The following ANKRD30BL variants were observed in gnomAD, a reference collection of about 807,000 sequenced individuals.
ANKRD30BL encodes putative ankyrin repeat domain-containing protein 30B-like.
In ANKRD30BL, 20 loss-of-function variants were observed where a neutral mutation model predicts 18.4. That is an observed-to-expected ratio of 1.09 (90% CI 0.77 to 1.58). The LOEUF (loss-of-function observed/expected upper bound fraction) is 1.58. Among genes scored for constraint, ANKRD30BL ranks in the 40% most tolerant of loss-of-function variants. ANKRD30BL has a pLI of 0.00. For missense variants in ANKRD30BL, 224 were observed against 268.6 expected (o/e 0.83, Z 1.16); for synonymous variants, 72 against 100.9 (o/e 0.71, Z 1.72).
intron 5 of ANKRD30BL, among the ~76,000 whole-genome samples, chr2:132,150,096 A>T (rs1026543479): frequency 1.4e-4 from 22 of 152,090 alleles, no homozygotes; most frequent in African/African-American, 5.1e-4. Flanking sequence ...CCTAACTCTC[A>T]TGTTGCTCAA....
chr2:132,253,300 A>T (rs1323052884), intron 1 of ANKRD30BL: 1 of 152,996 alleles, frequency 6.5e-6, no homozygotes, highest in Non-Finnish European at 1.5e-5. Context: ...TCCACCACTA[A>T]AAGTCATACA....
chr2:132,249,809 G>C (rs147611766), intron 1 of ANKRD30BL, among the ~76,000 whole-genome samples: 60 of 152,140 alleles, frequency 3.9e-4, no homozygotes, highest in Middle Eastern at 3.4e-3. Flanking sequence ...GTTTTTATGT[G>C]ATGATATTTC....
chr2:132,221,928 C>T (rs1383303537), intron 1 of ANKRD30BL, among the ~76,000 whole-genome samples: 3 of 131,242 alleles, frequency 2.3e-5, no homozygotes, highest in East Asian at 2.3e-4. Context: ...GGGGGATCAG[C>T]CCCCCGCCTG....
intron 1 of ANKRD30BL, among the ~76,000 whole-genome samples, chr2:132,226,222 G>T (rs149757021): frequency 6.8e-6 from 1 of 146,612 alleles, no homozygotes; most frequent in African/African-American, 2.6e-5. Context: ...GAAACTTCTT[G>T]GTGATGTGTG....
chr2:132,203,252 G>C (rs1002712900), intron 1 of ANKRD30BL, among the ~76,000 whole-genome samples: 2 of 152,208 alleles, frequency 1.3e-5, no homozygotes, highest in African/African-American at 4.8e-5. Flanking sequence ...CAGAAAATTG[G>C]TTCTAACTTT....
intron 1 of ANKRD30BL, among the ~76,000 whole-genome samples, chr2:132,196,798 C>G (rs1384766568): frequency 6.7e-6 from 1 of 149,766 alleles, no homozygotes; most frequent in East Asian, 2.0e-4. Context: ...CAGAGCAAGA[C>G]TCCATCTCAA....
chr2:132,246,752 A>T (rs148745145), intron 1 of ANKRD30BL, among the ~76,000 whole-genome samples: 1 of 151,918 alleles, frequency 6.6e-6, no homozygotes, highest in African/African-American at 2.4e-5. Context: ...CCTTTTGTGG[A>T]ATCTGTAATT....
At chr2:132,199,875 G>A (rs1325114799) in intron 1 of ANKRD30BL, among the ~76,000 whole-genome samples, 1 of 152,024 alleles carries the variant, frequency 6.6e-6, no homozygotes, top group Admixed American at 6.6e-5. Flanking sequence ...AGAATTTTAG[G>A]CCAATATCCT....
At chr2:132,245,163 A>C (rs77581439) in intron 1 of ANKRD30BL, among the ~76,000 whole-genome samples, 65 of 478 alleles carry the variant, frequency 0.14, no homozygotes, top group Middle Eastern at 0.5. Context: ...TTTCAACTCA[A>C]AGAGTTGAAT....
intron 1 of ANKRD30BL, among the ~76,000 whole-genome samples, chr2:132,233,672 C>G (rs1680079779): frequency 6.7e-6 from 1 of 149,720 alleles, no homozygotes; most frequent in Non-Finnish European, 1.5e-5. Context: ...ACAGGAGCAC[C>G]CAGATTCATA....
chr2:132,234,445 C>A (rs1467752136), intron 1 of ANKRD30BL, among the ~76,000 whole-genome samples: 1 of 151,480 alleles, frequency 6.6e-6, no homozygotes, highest in Non-Finnish European at 1.5e-5. Flanking sequence ...GCTAGCAAGA[C>A]TAATAAAGAA....
chr2:132,204,953 A>C (rs1226270515), intron 1 of ANKRD30BL, among the ~76,000 whole-genome samples: 2 of 152,240 alleles, frequency 1.3e-5, no homozygotes, highest in African/African-American at 4.8e-5. Context: ...AAATAAAGAA[A>C]ATCAAACATC....
intron 1 of ANKRD30BL, among the ~76,000 whole-genome samples, chr2:132,231,249 T>C (rs1680001871): frequency 1.3e-5 from 2 of 152,276 alleles, no homozygotes; most frequent in South Asian, 4.1e-4. Context: ...AGAGCAGTTT[T>C]GAACCTGTCT....
chr2:132,162,884 C>T (rs1432944453), upstream of ANKRD30BL, among the ~76,000 whole-genome samples: 2 of 152,230 alleles, frequency 1.3e-5, no homozygotes, highest in East Asian at 3.9e-4. Flanking sequence ...GGTTGCTTGG[C>T]CGTATTTGCC....
In ANKRD30BL at chr2:132,210,349, A is replaced by G. The variant is rs879047093; in HGVS notation, n.441+47180T>C. ...GGATATTTGGAGCGCTTTGCGGCCA[A>G]TGGTGGTAAAAGGAAACATCTTCAC... On this transcript the variant is annotated intron_variant and non_coding_transcript_variant, in intron 1 of 4. Transcript: ENST00000470729. Among the ~76,000 whole-genome samples the G allele has an allele frequency of 7.9e-5, 12 of 151,902 alleles. 1 individual carries two copies. Among genetic ancestry groups the G allele is most frequent in the African/African-American group, 2.9e-4 (12 of 41,528 alleles).
chr2:132,243,586 C>G (rs906110168), intron 1 of ANKRD30BL, among the ~76,000 whole-genome samples: 1 of 151,618 alleles, frequency 6.6e-6, no homozygotes, highest in African/African-American at 2.4e-5. Flanking sequence ...TAGACAGAAG[C>G]ATTCTCAGAA....
intron 1 of ANKRD30BL, among the ~76,000 whole-genome samples, chr2:132,219,467 G>A (rs1008734066): frequency 1.2e-4 from 18 of 151,386 alleles, no homozygotes; most frequent in African/African-American, 2.7e-4. Context: ...TAAGCCCTAC[G>A]GTGGAAAAGG....
At chr2:132,192,965 A>T (rs1678890953) in intron 1 of ANKRD30BL, among the ~76,000 whole-genome samples, 1 of 152,240 alleles carries the variant, frequency 6.6e-6, no homozygotes, top group Non-Finnish European at 1.5e-5. Flanking sequence ...AGAGGCTTAG[A>T]TAGAAAAGAA....
chr2:132,219,064 AG>A (rs1679593801), intron 1 of ANKRD30BL, among the ~76,000 whole-genome samples: 1 of 151,790 alleles, frequency 6.6e-6, no homozygotes, highest in South Asian at 2.1e-4. Context: ...TTGATAGAGT[AG>A]GTTGAAACAC....
Sources: allele counts gnomAD v4.1 joint callset (sites outside exome capture counted in the v4.1 genomes callset), GRCh38; gene constraint gnomAD v4.1.1; transcripts MANE v1.5; gene names NCBI Gene and HGNC (gene_info 2026-07-23, HGNC 2026-07-21).